The following TARDBP variants were observed in gnomAD, a reference collection of about 807,000 sequenced individuals.
The protein encoded by TARDBP is TAR DNA binding protein, also known as TAR DNA-binding protein 43.
A neutral mutation model predicts 38.3 loss-of-function variants in TARDBP; 4 were observed. That is an observed-to-expected ratio of 0.10 (90% confidence interval 0.05 to 0.24). The LOEUF (loss-of-function observed/expected upper bound fraction) is 0.24. TARDBP is among the 10% of genes least tolerant of loss of function. The pLI is 1.00. For synonymous variants in TARDBP, 184 were observed against 183.8 expected (o/e 1.00, Z -0.01); for missense variants, 202 against 521.9 (o/e 0.39, Z 5.97).
Position 11,022,619 on chromosome 1 carries a change from A to G in TARDBP, c.1210A>G (p.Ser404Gly), listed in dbSNP as rs1436257028. ...GSGFNGGFGS[S>G]MDSKSSGWGM Reference sequence around the variant, plus strand: ...TGGTTTTAATGGAGGCTTTGGCTCAAGCATGGATTCTAAGTCTTCTGGCTG... The same window carrying G: ...TGGTTTTAATGGAGGCTTTGGCTCAGGCATGGATTCTAAGTCTTCTGGCTG... Residue 404 changes from serine to glycine, a missense_variant, in exon 6 of 6, where the codon AGC becomes GGC. By Grantham distance (56) the Ser-to-Gly change is moderately conservative (BLOSUM62 0). Transcript: ENST00000240185. The surrounding 1 kb of genome is among the most constrained non-coding windows in gnomAD (Gnocchi z 4.5). 13 of 1,605,042 alleles carry G rather than the reference A, an allele frequency of 8.1e-6. No individual in the cohort carries two copies. The highest frequency in any genetic ancestry group is 9.4e-6 in the Non-Finnish European group (11 of 1,175,192).
At chr1:11,017,321 C>T (rs908353418) in intron 3 of TARDBP, among the ~76,000 whole-genome samples, 5 of 151,478 alleles carry the variant, frequency 3.3e-5, no homozygotes, top group Non-Finnish European at 5.9e-5. Flanking sequence ...TCTCCTGTCT[C>T]GGCCTCCTGT....
Position 11,016,829 on chromosome 1 carries a change from G to A in TARDBP, c.239-15G>A, listed in dbSNP as rs200066188. On this transcript the variant is annotated splice_polypyrimidine_tract_variant and intron_variant, in intron 2 of 5. Coordinates refer to ENST00000240185, the MANE Select transcript of TARDBP (RefSeq NM_007375.4). Reference sequence around the variant, plus strand: ...AAGTGAAGATTTCTAAAAGGTTTCTGCTCGTTTTATTTAGATAACAAAAGA... The same window carrying A: ...AAGTGAAGATTTCTAAAAGGTTTCTACTCGTTTTATTTAGATAACAAAAGA... 804 of 1,613,336 alleles carry A rather than the reference G, an allele frequency of 5.0e-4. No individual in the cohort carries two copies. Among genetic ancestry groups the A allele is most frequent in the Non-Finnish European group, 6.2e-4 (736 of 1,179,888 alleles).
In TARDBP at chr1:11,023,302, T is replaced by C. The variant is rs546346594; in HGVS notation, c.*648T>C. The C allele has an allele frequency of 6.5e-7, 1 of 1,534,116 alleles. No homozygotes were observed. The highest frequency in any genetic ancestry group is 1.4e-5 in the African/African-American group (1 of 72,860). Reference sequence around the variant, plus strand: ...TGCTTTCTCATTCAAGAATTCGTCATCACGCATCACAGGCCGCGTCTTTGA... The same window carrying C: ...TGCTTTCTCATTCAAGAATTCGTCACCACGCATCACAGGCCGCGTCTTTGA... On this transcript the variant is annotated 3_prime_UTR_variant, in exon 6 of 6. Coordinates refer to ENST00000240185, the MANE Select transcript of TARDBP (RefSeq NM_007375.4).
intron 2 of TARDBP, chr1:11,015,616 G>C (rs866465199): frequency 1.3e-5 from 2 of 151,742 alleles, no homozygotes; most frequent in Non-Finnish European, 2.9e-5. Context: ...GTTGCAGAGA[G>C]GGGAGATTGC....
At chr1:11,019,004 C>T (rs572048867) in intron 4 of TARDBP, 131 bp downstream of exon 4, 2 of 1,326,848 alleles carry the variant, frequency 1.5e-6, no homozygotes, top group Non-Finnish European at 2.2e-6. Flanking sequence ...TTGTTGAAGT[C>T]TTTGGCCCTT....
chr1:11,026,022 T>C (rs1447535082), downstream of TARDBP: 1 of 121,684 alleles, frequency 8.2e-6, no homozygotes, highest in Admixed American at 9.6e-5. Context: ...TTCTCTATAA[T>C]GTCACCACTT....
intron 4 of TARDBP, 66 bp from the exon 5 acceptor site, chr1:11,020,363 C>G: frequency 1.3e-6 from 2 of 1,592,380 alleles, no homozygotes; most frequent in South Asian, 1.1e-5. Flanking sequence ...ATATCCCTTA[C>G]CTTAATGTTT....
At chr1:11,013,061 C>T (rs1329753854) in intron 1 of TARDBP, among the ~76,000 whole-genome samples, 1 of 152,210 alleles carries the variant, frequency 6.6e-6, no homozygotes, top group Non-Finnish European at 1.5e-5. Context: ...GGTGCTCCTG[C>T]GCCCCACCCC....
intron 5 of TARDBP, 65 bp downstream of exon 5, chr1:11,020,664 T>G: frequency 6.8e-7 from 1 of 1,478,292 alleles, no homozygotes; most frequent in South Asian, 1.2e-5. Context: ...ATCCCAGCAC[T>G]TTGGAGGCCG....
intron 4 of TARDBP, among the ~76,000 whole-genome samples, chr1:11,019,611 G>T (rs1285942839): frequency 6.6e-5 from 10 of 152,062 alleles, no homozygotes; most frequent in African/African-American, 2.2e-4. Context: ...CTGTCATCCG[G>T]GCTGGAGTGC....
chr1:11,026,932 C>A (rs1245920984), downstream of TARDBP: 4 of 1,512,288 alleles, frequency 2.6e-6, no homozygotes, highest in Non-Finnish European at 3.5e-6. Context: ...TAGTTAATAA[C>A]TTTTGTGTAG....
At chr1:11,027,658 G>C, downstream of TARDBP, 1 of 1,588,040 alleles carries the variant, frequency 6.3e-7, no homozygotes, top group Non-Finnish European at 8.6e-7. Flanking sequence ...ACTGGAGAAA[G>C]AAGCAGATAG....
At chr1:11,026,912 C>G, downstream of TARDBP, 1 of 1,491,168 alleles carries the variant, frequency 6.7e-7, no homozygotes, top group Non-Finnish European at 8.9e-7. Context: ...TGTTCTCGAT[C>G]CAGGGAATAT....
At chr1:11,021,181 C>T (rs370483045) in intron 5 of TARDBP, among the ~76,000 whole-genome samples, 46 of 151,704 alleles carry the variant, frequency 3.0e-4, no homozygotes, top group African/African-American at 1.0e-3. Flanking sequence ...TCTTGTTGCC[C>T]GGGCTGGAGT....
At position 11,023,317 on chromosome 1, in the gene TARDBP, C is replaced by T. The variant is rs1401373740; in HGVS notation, c.*663C>T. 86 of 1,502,818 alleles carry T rather than the reference C, an allele frequency of 5.7e-5. No homozygotes were observed. Among genetic ancestry groups the T allele is most frequent in the Middle Eastern group, 1.7e-4 (1 of 5,890 alleles). The allele number at this position is 1,502,818 out of a possible 1,614,324, so 93.1% of individuals were successfully genotyped here. On this transcript the variant is annotated 3_prime_UTR_variant, in exon 6 of 6. Coordinates refer to ENST00000240185, the MANE Select transcript of TARDBP (RefSeq NM_007375.4). ...GAATTCGTCATCACGCATCACAGGCCGCGTCTTTGACGGTGGGTGTCCCAT... is the reference window on the plus strand; with the variant it reads ...GAATTCGTCATCACGCATCACAGGCTGCGTCTTTGACGGTGGGTGTCCCAT...
At chr1:11,012,931 C>G (rs1185261674) in intron 1 of TARDBP, among the ~76,000 whole-genome samples, 188 bp downstream of exon 1, 4 of 152,194 alleles carry the variant, frequency 2.6e-5, no homozygotes, top group Non-Finnish European at 5.9e-5. Flanking sequence ...GCCGGTGGCG[C>G]CGAAACGGGG....
downstream of TARDBP, chr1:11,025,641 A>C (rs1254078720): frequency 6.6e-6 from 1 of 152,238 alleles, no homozygotes; most frequent in African/African-American, 2.4e-5. Flanking sequence ...TCATATGCAC[A>C]AGAGAAATGA....
At chr1:11,028,736 C>T (rs1311576639), downstream of TARDBP, among the ~76,000 whole-genome samples, 3 of 134,670 alleles carry the variant, frequency 2.2e-5, no homozygotes, top group Non-Finnish European at 4.6e-5. Context: ...TTTTTTGAGA[C>T]AGAGTCTCGC....
chr1:11,017,152 C>T (rs1234278508), intron 3 of TARDBP, 145 bp downstream of exon 3: 40 of 873,162 alleles, frequency 4.6e-5, no homozygotes, highest in Non-Finnish European at 7.0e-5. Context: ...CCTCCTGCCT[C>T]GACCCCAATG....
Sources: gnomAD v4.1 joint callset for allele counts (sites outside exome capture counted in the v4.1 genomes callset) on GRCh38, gnomAD v4.1.1 for gene constraint, Gnocchi (gnomAD v3.1) non-coding constraint, MANE v1.5 for transcripts, NCBI Gene and HGNC (gene_info 2026-07-23, HGNC 2026-07-21) for gene names.